FAR1: variants seen among roughly 807,000 people sequenced by gnomAD.
The protein encoded by FAR1 is fatty acyl-CoA reductase 1, also known as male sterility domain-containing protein 2.
FAR1 carries 22 observed loss-of-function variants against 61.1 expected under a neutral mutation model. That is an observed-to-expected ratio of 0.36 (90% CI 0.26 to 0.51). The LOEUF is 0.51. Among genes scored for constraint, FAR1 ranks in the 20% least tolerant of loss-of-function variants. The probability of loss-of-function intolerance (pLI) is 0.95; values close to 1 mark genes in which losing one functional copy is unlikely to be tolerated. For synonymous variants in FAR1, 206 were observed against 209.7 expected (o/e 0.98, Z 0.15); for missense variants, 359 against 626.9 (o/e 0.57, Z 4.56).
At position 13,694,940 on chromosome 11, in the gene FAR1, G is replaced by A. The variant is rs140104758; in HGVS notation, c.175G>A (p.Val59Ile). ...GACACCACAAGAGCGAGTGGAAGAA[G>A]TCCTTAGTGGCAAGGTAAGTATGGA... The part of the protein sequence containing the change: ...GQTPQERVEE[V>I]LSGKLFDRLR... The change falls in exon 2 of 12, where the codon GTC becomes ATC. Residue 59 changes from valine (V) to isoleucine (I), a missense_variant. Physicochemically the swap from Val to Ile is conservative, Grantham distance 29 (BLOSUM62 3). Transcript: ENST00000354817. 2,166 of 1,610,918 alleles carry A rather than the reference G, an allele frequency of 1.3e-3. 50 individuals are homozygous for A. In the Admixed American group the frequency reaches 0.033, roughly 25 times the overall value.
rs1467132462 is a variant in FAR1 at position 13,730,070 on chromosome 11, A to G, written c.*1296A>G. The G allele has an allele frequency of 1.3e-5, 2 of 152,418 alleles. No homozygotes were observed. The highest frequency in any genetic ancestry group is 4.8e-5 in the African/African-American group (2 of 41,440). The allele number at this position is 152,418 out of a possible 1,614,324, so 9.4% of individuals were successfully genotyped here. A position where few individuals can be genotyped will look rare whatever the true frequency, so the allele number is the denominator to read the frequency against. On this transcript the variant is annotated 3_prime_UTR_variant, in exon 12 of 12. Coordinates refer to ENST00000354817, the MANE Select transcript of FAR1 (RefSeq NM_032228.6). ...TTAATCATAATAGTTAACTCTACTT[A>G]CTGTTTTAACATACATTTGATTTAA... is the stretch of plus-strand genomic sequence containing the variant.
At chr11:13,725,568 A>G (rs192700234) in intron 10 of FAR1, among the ~76,000 whole-genome samples, 1 of 152,304 alleles carries the variant, frequency 6.6e-6, no homozygotes, top group African/African-American at 2.4e-5. Flanking sequence ...GACTAAAGTT[A>G]GACTGGGATA....
chr11:13,685,959 A>T (rs1478061895), intron 1 of FAR1, among the ~76,000 whole-genome samples: 1 of 152,150 alleles, frequency 6.6e-6, no homozygotes, highest in Non-Finnish European at 1.5e-5. Context: ...GACCTTTCAG[A>T]TCATCTATTT....
rs112257541 is a variant in FAR1, at chr11:13,725,867, T to G, written c.1258-1689T>G. ...CTATGTAATTCCTATCATTTTAGAT[T>G]TAGTCTGACTAGTAGTGCTTTGTAT... On this transcript the variant is annotated intron_variant, in intron 10 of 11. Transcript: ENST00000354817. 3.9e-3 allele frequency among the ~76,000 whole-genome samples: 598 copies of G among 152,242 alleles called. 1 individual carries two copies. The highest frequency in any genetic ancestry group is 0.014 in the African/African-American group (563 of 41,562).
intron 3 of FAR1, among the ~76,000 whole-genome samples, chr11:13,706,034 T>A (rs1848428359): frequency 6.6e-6 from 1 of 152,190 alleles, no homozygotes; most frequent in Non-Finnish European, 1.5e-5. Context: ...ATTTTTTTCT[T>A]AAATACTGAA....
At chr11:13,699,535 A>G (rs1591263182) in intron 2 of FAR1, among the ~76,000 whole-genome samples, 1 of 152,198 alleles carries the variant, frequency 6.6e-6, no homozygotes, top group Admixed American at 6.5e-5. Context: ...TGCAAGTTTG[A>G]ACTTCAAATG....
chr11:13,670,797 A>G (rs1847992488), intron 1 of FAR1, among the ~76,000 whole-genome samples: 1 of 146,116 alleles, frequency 6.8e-6, no homozygotes, highest in South Asian at 2.1e-4. Context: ...ATTTTTATTT[A>G]TGGGGTGTGG....
Position 13,697,244 on chromosome 11 carries a change from G to A in FAR1, c.189+2290G>A, listed in dbSNP as rs1471727471. Among the ~76,000 whole-genome samples, 6 of 152,140 alleles carry A rather than the reference G, an allele frequency of 3.9e-5. No individual in the cohort carries two copies. In the South Asian group the frequency reaches 1.2e-3, roughly 32 times the overall value. On this transcript the variant is annotated intron_variant, in intron 2 of 11. Coordinates refer to ENST00000354817, the MANE Select transcript of FAR1 (RefSeq NM_032228.6). ...GGAGGCCACGGCTGGTGGGTCACTTGAGGCCAGGAGTTCAAGACCAGCCTG... is the reference window on the plus strand; with the variant it reads ...GGAGGCCACGGCTGGTGGGTCACTTAAGGCCAGGAGTTCAAGACCAGCCTG...
chr11:13,699,868 G>A (rs1038498445), intron 2 of FAR1, among the ~76,000 whole-genome samples: 2 of 152,006 alleles, frequency 1.3e-5, no homozygotes, highest in Admixed American at 6.6e-5. Context: ...AATGTAAATC[G>A]TGTTTTTTTC....
chr11:13,699,375 T>TA (rs1442261111), intron 2 of FAR1, among the ~76,000 whole-genome samples: 1 of 152,226 alleles, frequency 6.6e-6, no homozygotes, highest in African/African-American at 2.4e-5. Flanking sequence ...AAAACATTAA[T>TA]ATTCAAGTCA....
chr11:13,706,800 C>T (rs1281638083), intron 3 of FAR1, among the ~76,000 whole-genome samples: 1 of 152,052 alleles, frequency 6.6e-6, no homozygotes, highest in African/African-American at 2.4e-5. Flanking sequence ...TTGTTGACTG[C>T]CTGTTTGGTG....
intron 10 of FAR1, chr11:13,723,242 G>A (rs1848631704): frequency 6.8e-6 from 2 of 292,504 alleles, no homozygotes; most frequent in South Asian, 5.8e-5. Flanking sequence ...ACATGTGCCT[G>A]TAGTCCTAGC....
chr11:13,698,167 A>G (rs1451464221), intron 2 of FAR1, among the ~76,000 whole-genome samples: 1 of 152,168 alleles, frequency 6.6e-6, no homozygotes, highest in Non-Finnish European at 1.5e-5. Flanking sequence ...GACATTCAGA[A>G]GACTGAATTT....
intron 1 of FAR1, among the ~76,000 whole-genome samples, chr11:13,676,526 T>C (rs1848071234): frequency 2.0e-5 from 3 of 152,152 alleles, no homozygotes; most frequent in African/African-American, 7.2e-5. Flanking sequence ...TTAGAAACTG[T>C]TTTTGGCTGA....
intron 1 of FAR1, among the ~76,000 whole-genome samples, chr11:13,683,664 A>T (rs1386711391): frequency 6.6e-6 from 1 of 152,056 alleles, no homozygotes; most frequent in East Asian, 1.9e-4. Context: ...ACAGGTGTGA[A>T]CAACTGTGCT....
intron 1 of FAR1, among the ~76,000 whole-genome samples, chr11:13,691,947 C>T (rs1848254786): frequency 1.3e-5 from 2 of 152,130 alleles, no homozygotes; most frequent in Admixed American, 6.5e-5. Context: ...GTGGGTGGAT[C>T]ACTTGAGGTC....
chr11:13,706,640 C>T (rs1848436030), intron 3 of FAR1, among the ~76,000 whole-genome samples: 1 of 152,030 alleles, frequency 6.6e-6, no homozygotes, highest in African/African-American at 2.4e-5. Flanking sequence ...CTAAAATCCA[C>T]TCTTTTTGTA....
chr11:13,680,117 T>A (rs1848111149), intron 1 of FAR1, among the ~76,000 whole-genome samples: 1 of 152,224 alleles, frequency 6.6e-6, no homozygotes, highest in Non-Finnish European at 1.5e-5. Context: ...TGATCTTTAT[T>A]TGTGGAAAAT....
At chr11:13,702,683 T>C (rs1394163458) in intron 3 of FAR1, among the ~76,000 whole-genome samples, 1 of 152,188 alleles carries the variant, frequency 6.6e-6, no homozygotes, top group African/African-American at 2.4e-5. Context: ...CATAGCTTTA[T>C]GAAGCTTAGC....
Sources: allele counts gnomAD v4.1 joint callset (sites outside exome capture counted in the v4.1 genomes callset), GRCh38; gene constraint gnomAD v4.1.1; transcripts MANE v1.5; gene names NCBI Gene and HGNC (gene_info 2026-07-23, HGNC 2026-07-21).